Variants in S100Z observed in about 807,000 individuals in gnomAD.
S100Z encodes protein S100-Z.
In S100Z, 11 loss-of-function variants were observed where a neutral mutation model predicts 8.5. The ratio of observed to expected loss-of-function variants is 1.30; its 90% CI spans 0.82 to 2.15. The LOEUF (loss-of-function observed/expected upper bound fraction) is 2.15. Ranked by LOEUF, S100Z falls within the 30% of genes most tolerant of loss-of-function variation. The pLI is 0.00. For missense variants in S100Z, 126 were observed against 117.9 expected, an observed-to-expected ratio of 1.07 and a Z score of -0.32; for synonymous variants, 34 against 43.8, an observed-to-expected ratio of 0.78 and a Z score of 0.89.
the S100Z span, among the ~76,000 whole-genome samples, chr5:76,944,109 T>G: frequency 6.6e-6 from 1 of 152,182 alleles, no homozygotes. Flanking sequence ...CACCTTGTGC[T>G]GCTACCACAC....
At position 76,888,765 on chromosome 5, in the gene S100Z, C is replaced by T. The variant is rs543034000; in HGVS notation, c.*2+10931C>T. On this transcript the variant is annotated intron_variant, in intron 4 of 4. Transcript: ENST00000317593. The stretch of plus-strand genomic sequence containing the variant: ...TCTGGAAAAGTTTCTTGTAAAGCCC[C>T]GGCTCTTAGAGCCAGGCCAGCAACC... Among the ~76,000 whole-genome samples, 87 of 152,278 alleles carry T rather than the reference C, an allele frequency of 5.7e-4. 1 individual carries two copies. In the Middle Eastern group the frequency reaches 0.01, roughly 18 times the overall value.
chr5:76,914,737 C>G lies in S100Z; in HGVS notation c.*3-5980C>G, dbSNP rs915907855. Among the ~76,000 whole-genome samples, 5 of 152,118 alleles carry G rather than the reference C, an allele frequency of 3.3e-5. No homozygotes were observed. In the East Asian group the frequency reaches 9.6e-4, roughly 29 times the overall value. ...CACCGCGAAGGTCTGCAGCTTCACT[C>G]CTGAAGCCAGCGAGACCACAAACCC... On this transcript the variant is annotated intron_variant, in intron 4 of 4. Coordinates refer to ENST00000317593, the MANE Select transcript of S100Z (RefSeq NM_130772.4).
At chr5:76,947,990 C>A in the S100Z span, among the ~76,000 whole-genome samples, 1 of 152,096 alleles carries the variant, frequency 6.6e-6, no homozygotes, top group African/African-American at 2.4e-5. Context: ...GCACAGGCAA[C>A]AAAAGCAAAA....
the S100Z span, among the ~76,000 whole-genome samples, chr5:76,942,118 A>G: frequency 1.3e-5 from 2 of 151,712 alleles, no homozygotes; most frequent in Non-Finnish European, 2.9e-5. Context: ...TTATTATTTT[A>G]TTATTATTAT....
At chr5:76,934,886 G>A in the S100Z span, among the ~76,000 whole-genome samples, 1 of 152,098 alleles carries the variant, frequency 6.6e-6, no homozygotes, top group Non-Finnish European at 1.5e-5. Flanking sequence ...GTTGTCAAAT[G>A]CCTATATATT....
At position 76,893,021 on chromosome 5, in the gene S100Z, T is replaced by C. The variant is rs562829954; in HGVS notation, c.*2+15187T>C. On this transcript the variant is annotated intron_variant, in intron 4 of 4. Transcript: ENST00000317593. ...ATTTCCAGGCCCTCCAGGAGACTTA[T>C]CGTTGTAGCTCTCTATTTAGGAACA... Among the ~76,000 whole-genome samples, 4 of 152,272 alleles carry C rather than the reference T, an allele frequency of 2.6e-5. 1 individual carries two copies. The highest frequency in any genetic ancestry group is 2.1e-4 in the South Asian group (1 of 4,822).
chr5:76,879,326 CT>C (rs1743308782), intron 4 of S100Z, among the ~76,000 whole-genome samples: 2 of 152,294 alleles, frequency 1.3e-5, no homozygotes, highest in South Asian at 4.1e-4. Context: ...TGCTTGCCTG[CT>C]TCTGGTCCTC....
At chr5:76,925,878 A>T (rs1256850519), downstream of S100Z, among the ~76,000 whole-genome samples, 1 of 152,130 alleles carries the variant, frequency 6.6e-6, no homozygotes, top group Non-Finnish European at 1.5e-5. Context: ...GAGGCAGGAG[A>T]ATTGCTTGAA....
At chr5:76,875,911 T>C (rs1270078386) in intron 3 of S100Z, among the ~76,000 whole-genome samples, 1 of 152,172 alleles carries the variant, frequency 6.6e-6, no homozygotes, top group Non-Finnish European at 1.5e-5. Context: ...GGGTACTTCA[T>C]GCTATGGTGG....
the S100Z span, among the ~76,000 whole-genome samples, chr5:76,931,950 ATTATG>A: frequency 3.3e-5 from 5 of 152,062 alleles, no homozygotes; most frequent in Middle Eastern, 3.2e-3. Context: ...GGATGGTAAA[ATTATG>A]TTATTTTATC....
the S100Z span, among the ~76,000 whole-genome samples, chr5:76,942,973 T>G: frequency 5.3e-5 from 8 of 152,252 alleles, no homozygotes; most frequent in Non-Finnish European, 1.0e-4. Context: ...TCGTGGTTCC[T>G]ATGGGTTAGA....
chr5:76,926,372 C>G (rs1021018340), downstream of S100Z, among the ~76,000 whole-genome samples: 2 of 151,870 alleles, frequency 1.3e-5, no homozygotes, highest in Non-Finnish European at 2.9e-5. Flanking sequence ...TAAGGAAATA[C>G]AAAAACAAGT....
At chr5:76,931,824 CA>C in the S100Z span, among the ~76,000 whole-genome samples, 1 of 151,786 alleles carries the variant, frequency 6.6e-6, no homozygotes, top group African/African-American at 2.4e-5. Context: ...TTTGTGCACA[CA>C]TAAGTCTCAG....
chr5:76,923,417 T>C (rs1745082162), downstream of S100Z, among the ~76,000 whole-genome samples: 2 of 152,140 alleles, frequency 1.3e-5, no homozygotes, highest in African/African-American at 4.8e-5. Flanking sequence ...CTGTTAAGAG[T>C]ATTTCACAGG....
At chr5:76,910,426 C>A (rs138790831) in intron 4 of S100Z, among the ~76,000 whole-genome samples, 1 of 152,060 alleles carries the variant, frequency 6.6e-6, no homozygotes, top group Admixed American at 6.5e-5. Context: ...AGAGAAAGGC[C>A]GCAGCCTTAG....
At chr5:76,850,323 C>CGG (rs1392731511) in intron 1 of S100Z, among the ~76,000 whole-genome samples, 168 bp downstream of exon 1, 14 of 5,404 alleles carry the variant, frequency 2.6e-3, no homozygotes, top group African/African-American at 3.6e-3. Context: ...ACAAAGGGGT[C>CGG]GGGGGGGTGG....
intron 4 of S100Z, among the ~76,000 whole-genome samples, chr5:76,905,907 C>A (rs2150674713): frequency 6.6e-6 from 1 of 152,266 alleles, no homozygotes; most frequent in South Asian, 2.1e-4. Flanking sequence ...GTGGTCACTG[C>A]AGCTGCGACT....
intron 2 of S100Z, among the ~76,000 whole-genome samples, chr5:76,874,697 A>G (rs2150638855): frequency 6.6e-6 from 1 of 151,786 alleles, no homozygotes; most frequent in Admixed American, 6.6e-5. Context: ...TCCTATTTTT[A>G]TTTATTTTTA....
At chr5:76,949,555 G>A in the S100Z span, among the ~76,000 whole-genome samples, 1 of 152,148 alleles carries the variant, frequency 6.6e-6, no homozygotes, top group African/African-American at 2.4e-5. Flanking sequence ...CTAAGATGTG[G>A]AAACAACCTA....
Sources: allele counts gnomAD v4.1 joint callset (sites outside exome capture counted in the v4.1 genomes callset), GRCh38; gene constraint gnomAD v4.1.1; transcripts MANE v1.5; gene names NCBI Gene and HGNC (gene_info 2026-07-23, HGNC 2026-07-21).